CNTNAP2: variants seen among roughly 807,000 people sequenced by gnomAD.
CNTNAP2 encodes contactin associated protein 2.
CNTNAP2 carries 98 observed loss-of-function variants against 155.2 expected under a neutral mutation model. That is an observed-to-expected ratio of 0.63 (90% confidence interval 0.54 to 0.75). The LOEUF (loss-of-function observed/expected upper bound fraction) is 0.75. Among genes scored for constraint, CNTNAP2 ranks in the 30% least tolerant of loss-of-function variants. The pLI is 0.00. For missense variants in CNTNAP2, 1,727 were observed against 1,688.1 expected (o/e 1.02, Z -0.40); for synonymous variants, 651 against 631.2 (o/e 1.03, Z -0.47).
At chr7:147,629,079 G>T (rs1441399963) in intron 12 of CNTNAP2, among the ~76,000 whole-genome samples, 1 of 152,014 alleles carries the variant, frequency 6.6e-6, no homozygotes, top group Non-Finnish European at 1.5e-5. Context: ...GCACTAGATA[G>T]TTCATCAAGA....
At chr7:146,588,872 C>T (rs347175) in intron 1 of CNTNAP2, among the ~76,000 whole-genome samples, 50,236 of 151,808 alleles carry the variant, frequency 0.33, 8,678 homozygotes, top group East Asian at 0.49. Context: ...TGTAAGATCA[C>T]AATTATTTAG....
chr7:147,128,959 A>T lies in CNTNAP2; in HGVS notation c.1083+123A>T, dbSNP rs910693632. 15 of 1,278,286 alleles carry T rather than the reference A, an allele frequency of 1.2e-5. No homozygotes were observed. In the Admixed American group the frequency reaches 2.6e-4, roughly 22 times the overall value. 79.2% of individuals were successfully genotyped at this position (1,278,286 alleles called of 1,614,324 possible). A position where few individuals can be genotyped will look rare whatever the true frequency, so the allele number is the denominator to read the frequency against. On this transcript the variant is annotated intron_variant, in intron 7 of 23. Coordinates refer to ENST00000361727, the MANE Select transcript of CNTNAP2 (RefSeq NM_014141.6). ...ATCATATTTGTGTTTGGGCAAAATG[A>T]TGTAAAACAAACATTAGAGTTATCA... is the stretch of plus-strand genomic sequence containing the variant.
At chr7:147,068,993 C>T (rs1026963753) in intron 4 of CNTNAP2, among the ~76,000 whole-genome samples, 6 of 152,158 alleles carry the variant, frequency 3.9e-5, no homozygotes, top group Admixed American at 1.3e-4. Context: ...GAAACTTTTA[C>T]TCGTGGCAGA....
rs2116686675 is a variant in CNTNAP2, at chr7:147,262,083, A to AT, written c.1349-38057dup. On this transcript the variant is annotated intron_variant, in intron 8 of 23. Transcript: ENST00000361727. ...CAAAAGTTACAAAGAATGGATGATA[A>AT]TCTTTTGTTATAAAATGTAGACTGT... is the stretch of plus-strand genomic sequence containing the variant. Among the ~76,000 whole-genome samples the AT allele has an allele frequency of 2.0e-5, 3 of 152,322 alleles. No homozygotes were observed. In the South Asian group the frequency reaches 6.2e-4, roughly 32 times the overall value.
At chr7:146,905,328 AGAACTGG>A (rs367760184) in intron 3 of CNTNAP2, among the ~76,000 whole-genome samples, 10 of 152,142 alleles carry the variant, frequency 6.6e-5, no homozygotes, top group African/African-American at 2.4e-4. Flanking sequence ...TGAGACTCAG[AGAACTGG>A]GAATCTGTCC....
At chr7:148,213,862 G>C (rs541189894) in intron 18 of CNTNAP2, among the ~76,000 whole-genome samples, 9 of 152,274 alleles carry the variant, frequency 5.9e-5, no homozygotes, top group Non-Finnish European at 1.3e-4. Context: ...CCTTGCTCAC[G>C]GGATCCCCAA....
intron 15 of CNTNAP2, among the ~76,000 whole-genome samples, chr7:148,085,669 C>A (rs968232862): frequency 6.6e-6 from 1 of 151,840 alleles, no homozygotes; most frequent in Admixed American, 6.6e-5. Flanking sequence ...TAAATATATT[C>A]TTTCTTCCTT....
At chr7:148,231,067 A>AT (rs1795951572) in intron 20 of CNTNAP2, among the ~76,000 whole-genome samples, 1 of 152,202 alleles carries the variant, frequency 6.6e-6, no homozygotes, top group African/African-American at 2.4e-5. Context: ...TTATCTTGCC[A>AT]TTTTACCATT....
At chr7:146,337,101 T>C (rs1336434700) in intron 1 of CNTNAP2, among the ~76,000 whole-genome samples, 2 of 152,178 alleles carry the variant, frequency 1.3e-5, no homozygotes, top group Non-Finnish European at 2.9e-5. Flanking sequence ...TTAAATGAAT[T>C]CATGGCAGAA....
At chr7:146,544,724 T>C (rs1798004426) in intron 1 of CNTNAP2, among the ~76,000 whole-genome samples, 1 of 133,884 alleles carries the variant, frequency 7.5e-6, no homozygotes, top group Non-Finnish European at 1.6e-5. Context: ...AAGGAGTTGA[T>C]ATTAAGCAGG....
At chr7:147,116,973 C>T (rs78121217) in intron 5 of CNTNAP2, among the ~76,000 whole-genome samples, 1 of 152,194 alleles carries the variant, frequency 6.6e-6, no homozygotes, top group Admixed American at 6.5e-5. Flanking sequence ...GTCTGTACCT[C>T]TCCTCGAGGC....
At chr7:147,723,519 G>A (rs1796596757) in intron 13 of CNTNAP2, among the ~76,000 whole-genome samples, 1 of 151,670 alleles carries the variant, frequency 6.6e-6, no homozygotes, top group Non-Finnish European at 1.5e-5. Context: ...AAAGGCGTGT[G>A]ATCTCTTTGC....
At chr7:148,103,206 CT>C (rs56941233) in intron 15 of CNTNAP2, among the ~76,000 whole-genome samples, 40,117 of 141,132 alleles carry the variant, frequency 0.28, 6,343 homozygotes, top group African/African-American at 0.45. Flanking sequence ...AGGTATGTAG[CT>C]TTTTTTTTTT....
intron 3 of CNTNAP2, among the ~76,000 whole-genome samples, chr7:146,968,800 C>G (rs1299136872): frequency 1.3e-5 from 2 of 150,108 alleles, no homozygotes; most frequent in Non-Finnish European, 3.0e-5. Context: ...TTTTTTGTGT[C>G]TCTATTTCCT....
At chr7:147,357,396 T>A (rs1224928711) in intron 9 of CNTNAP2, among the ~76,000 whole-genome samples, 2 of 151,826 alleles carry the variant, frequency 1.3e-5, no homozygotes, top group African/African-American at 4.9e-5. Flanking sequence ...TCAGGAAGCA[T>A]TTTCCTTACT....
intron 8 of CNTNAP2, among the ~76,000 whole-genome samples, chr7:147,150,729 C>T (rs1801809056): frequency 6.6e-6 from 1 of 152,090 alleles, no homozygotes; most frequent in South Asian, 2.1e-4. Flanking sequence ...CCCCTTCCTC[C>T]CCACTCCTTA....
intron 12 of CNTNAP2, among the ~76,000 whole-genome samples, chr7:147,615,949 G>T (rs574657047): frequency 3.3e-5 from 5 of 151,910 alleles, no homozygotes; most frequent in African/African-American, 1.2e-4. Flanking sequence ...CCTAGTCTTG[G>T]TCTCTTTATT....
chr7:147,347,827 A>G (rs1795903706), intron 9 of CNTNAP2, among the ~76,000 whole-genome samples: 1 of 152,078 alleles, frequency 6.6e-6, no homozygotes, highest in Non-Finnish European at 1.5e-5. Flanking sequence ...TGGCCTTAAA[A>G]CAGATACATG....
intron 20 of CNTNAP2, among the ~76,000 whole-genome samples, chr7:148,242,241 G>A (rs1198121468): frequency 6.6e-6 from 1 of 152,178 alleles, no homozygotes; most frequent in Non-Finnish European, 1.5e-5. Context: ...TGGGCAGAGC[G>A]GGTTGTTTCT....
Sources: gnomAD v4.1 joint callset for allele counts (sites outside exome capture counted in the v4.1 genomes callset) on GRCh38, gnomAD v4.1.1 for gene constraint, MANE v1.5 for transcripts, NCBI Gene and HGNC (gene_info 2026-07-23, HGNC 2026-07-21) for gene names.